The following FSTL5 variants were observed in gnomAD, a reference collection of about 807,000 sequenced individuals.
The protein encoded by FSTL5 is follistatin like 5, also known as follistatin-related protein 5.
A neutral mutation model predicts 89.1 loss-of-function variants in FSTL5; 62 were observed. The ratio of observed to expected loss-of-function variants is 0.70; its 90% CI spans 0.57 to 0.86. FSTL5 has a LOEUF of 0.86. FSTL5 is among the 40% of genes least tolerant of loss of function. FSTL5 has a pLI of 0.00. For missense variants in FSTL5, 1,057 were observed against 1,001.6 expected (o/e 1.06, Z -0.75); for synonymous variants, 383 against 346.2 (o/e 1.11, Z -1.18).
At chr4:161,692,955 C>T (rs1737997906) in intron 6 of FSTL5, among the ~76,000 whole-genome samples, 1 of 152,120 alleles carries the variant, frequency 6.6e-6, no homozygotes, top group African/African-American at 2.4e-5. Context: ...ATCTCCTGAC[C>T]TCATGATCTG....
At chr4:162,126,690 A>G (rs976746716) in intron 1 of FSTL5, among the ~76,000 whole-genome samples, 6 of 152,044 alleles carry the variant, frequency 3.9e-5, no homozygotes, top group Non-Finnish European at 7.4e-5. Flanking sequence ...AACTTATTTT[A>G]TATTTAACTT....
intron 3 of FSTL5, among the ~76,000 whole-genome samples, chr4:161,963,810 C>G (rs1251149054): frequency 6.6e-6 from 1 of 151,888 alleles, no homozygotes; most frequent in East Asian, 1.9e-4. Context: ...GGCATCTTTC[C>G]TGCTCATGCT....
intron 3 of FSTL5, among the ~76,000 whole-genome samples, chr4:161,963,840 A>C (rs1218650071): frequency 6.6e-6 from 1 of 151,942 alleles, no homozygotes; most frequent in East Asian, 1.9e-4. Flanking sequence ...TGTAATTGTA[A>C]AATACACTGA....
At chr4:162,026,482 AT>A (rs1184127682) in intron 3 of FSTL5, among the ~76,000 whole-genome samples, 1 of 150,990 alleles carries the variant, frequency 6.6e-6, no homozygotes, top group East Asian at 2.0e-4. Flanking sequence ...TAATTTTTGT[AT>A]TTTTAGTAGA....
At position 161,722,139 on chromosome 4, in the gene FSTL5, C is replaced by A. The variant is rs187756620; in HGVS notation, c.727+37272G>T. On this transcript the variant is annotated intron_variant, in intron 6 of 15. Transcript: ENST00000306100. ...CTTGCCTTAAGGATTATGTGTGTGT[C>A]TGGGATTAGTTCCCAGAAATGTTAA... Among the ~76,000 whole-genome samples the A allele has an allele frequency of 3.8e-3, 575 of 152,194 alleles. 5 individuals carry two copies. The highest frequency in any genetic ancestry group is 0.013 in the African/African-American group (548 of 41,530).
chr4:161,494,719 G>A (rs1730003715), intron 12 of FSTL5, among the ~76,000 whole-genome samples: 1 of 152,198 alleles, frequency 6.6e-6, no homozygotes, highest in Non-Finnish European at 1.5e-5. Flanking sequence ...CCTGTATAAA[G>A]TATAATGAGT....
At position 161,643,267 on chromosome 4, in the gene FSTL5, A is replaced by T. The variant is rs112721346; in HGVS notation, c.894+13061T>A. On this transcript the variant is annotated intron_variant, in intron 7 of 15. Coordinates refer to ENST00000306100, the MANE Select transcript of FSTL5 (RefSeq NM_020116.5). ...GACATAAGAAGAGACTTTGAACTTC[A>T]CTGAATGTACCTTTCTCTCTCAAGT... Among the ~76,000 whole-genome samples, 773 of 152,268 alleles carry T rather than the reference A, an allele frequency of 5.1e-3. 4 individuals carry two copies. Among genetic ancestry groups the T allele is most frequent in the Non-Finnish European group, 8.5e-3 (577 of 68,008 alleles).
intron 5 of FSTL5, among the ~76,000 whole-genome samples, chr4:161,766,284 T>C (rs1354625165): frequency 2.4e-5 from 1 of 41,586 alleles, no homozygotes; most frequent in Non-Finnish European, 4.6e-5. Context: ...ATTTTTCATG[T>C]TGTTAGTACC....
chr4:161,722,131 G>A (rs1225682681), intron 6 of FSTL5, among the ~76,000 whole-genome samples: 1 of 152,108 alleles, frequency 6.6e-6, no homozygotes, highest in Admixed American at 6.5e-5. Context: ...TAAGGATTAT[G>A]TGTGTGTCTG....
chr4:161,839,599 C>T (rs1480503496), intron 4 of FSTL5, among the ~76,000 whole-genome samples: 1 of 151,926 alleles, frequency 6.6e-6, no homozygotes, highest in African/African-American at 2.4e-5. Flanking sequence ...ATAATTCTGA[C>T]AAAAACCATG....
At chr4:161,604,734 G>C (rs1734377316) in intron 7 of FSTL5, among the ~76,000 whole-genome samples, 1 of 152,092 alleles carries the variant, frequency 6.6e-6, no homozygotes, top group African/African-American at 2.4e-5. Context: ...GGGAAAATCT[G>C]CCCATGGGGA....
intron 2 of FSTL5, among the ~76,000 whole-genome samples, chr4:162,097,068 T>A (rs1452957339): frequency 6.6e-6 from 1 of 151,948 alleles, no homozygotes; most frequent in African/African-American, 2.4e-5. Flanking sequence ...TATCTTTTTT[T>A]ACTATTGCTT....
At chr4:161,462,194 C>T (rs746704262) in intron 13 of FSTL5, among the ~76,000 whole-genome samples, 22 of 152,174 alleles carry the variant, frequency 1.4e-4, no homozygotes, top group Non-Finnish European at 2.6e-4. Context: ...ATAACAAGGA[C>T]ATCTGGGATC....
chr4:161,755,276 T>A (rs1394113096), intron 6 of FSTL5, among the ~76,000 whole-genome samples: 1 of 152,060 alleles, frequency 6.6e-6, no homozygotes, highest in African/African-American at 2.4e-5. Context: ...ATACCTATGA[T>A]AAAATATTAA....
chr4:161,854,825 T>C (rs943611557), intron 4 of FSTL5, among the ~76,000 whole-genome samples: 5 of 152,044 alleles, frequency 3.3e-5, no homozygotes, highest in African/African-American at 9.7e-5. Context: ...GTTAAACTTA[T>C]ATTTACCATA....
intron 3 of FSTL5, among the ~76,000 whole-genome samples, chr4:161,950,758 C>T (rs1578886619): frequency 6.6e-6 from 1 of 152,244 alleles, no homozygotes; most frequent in Middle Eastern, 3.4e-3. Context: ...CTCTTCTACT[C>T]TGTCTTTTGG....
intron 2 of FSTL5, among the ~76,000 whole-genome samples, chr4:162,071,711 G>A (rs576555980): frequency 2.6e-5 from 4 of 151,674 alleles, no homozygotes; most frequent in South Asian, 2.1e-4. Flanking sequence ...ATCAGCACAC[G>A]GAATATTCTC....
chr4:161,500,964 A>G lies in FSTL5; in HGVS notation c.1340-830T>C, dbSNP rs980390373. Among the ~76,000 whole-genome samples the G allele has an allele frequency of 2.0e-5, 3 of 152,046 alleles. No individual in the cohort carries two copies. The South Asian group carries it at 6.2e-4, about 31-fold the overall frequency. ...TTTCCTCTGCTTCTCCCCTGTTCCA[A>G]TGTGGCCAGCCCTGAGCTCTTGTAA... is the stretch of plus-strand genomic sequence containing the variant. On this transcript the variant is annotated intron_variant, in intron 11 of 15. Transcript: ENST00000306100.
intron 4 of FSTL5, among the ~76,000 whole-genome samples, chr4:161,813,030 C>CTTT (rs372383502): frequency 2.5e-4 from 36 of 141,282 alleles, no homozygotes; most frequent in Non-Finnish European, 3.9e-4. Flanking sequence ...TGAAAGATCC[C>CTTT]TTTTTTTTTT....
Sources: allele counts gnomAD v4.1 joint callset (sites outside exome capture counted in the v4.1 genomes callset), GRCh38; gene constraint gnomAD v4.1.1; transcripts MANE v1.5; gene names NCBI Gene and HGNC (gene_info 2026-07-23, HGNC 2026-07-21).